Variants in USP3 observed in about 807,000 individuals in gnomAD.
USP3 encodes ubiquitin specific peptidase 3.
Under a neutral mutation model 72.3 loss-of-function variants are expected in USP3, and 20 were observed. The ratio of observed to expected loss-of-function variants is 0.28; its 90% CI spans 0.19 to 0.40. The LOEUF (loss-of-function observed/expected upper bound fraction) is 0.40, where lower values mean the gene tolerates loss of function less well. USP3 is among the 10% of genes least tolerant of loss of function. The pLI is 1.00. For missense variants in USP3, 479 were observed against 633.9 expected, an observed-to-expected ratio of 0.76 and a Z score of 2.62; for synonymous variants, 222 against 225.3, an observed-to-expected ratio of 0.99 and a Z score of 0.13.
At chr15:63,522,815 C>T (rs1411482941) in intron 1 of USP3, among the ~76,000 whole-genome samples, 1 of 152,194 alleles carries the variant, frequency 6.6e-6, no homozygotes, top group Non-Finnish European at 1.5e-5. Flanking sequence ...CATTGCTATA[C>T]TGATAATGTA....
Position 63,565,582 on chromosome 15 carries a change from A to G in USP3, c.761+2574A>G, listed in dbSNP as rs546560564. ...CTGTTTTCTGGAAGCAACCATAGTTACTAGAGTTTTGTGTATCCTTTCAGA... is the reference window on the plus strand; with the variant it reads ...CTGTTTTCTGGAAGCAACCATAGTTGCTAGAGTTTTGTGTATCCTTTCAGA... On this transcript the variant is annotated intron_variant, in intron 8 of 14. Coordinates refer to ENST00000380324, the MANE Select transcript of USP3 (RefSeq NM_006537.4). 2.0e-5 allele frequency among the ~76,000 whole-genome samples: 3 copies of G among 152,360 alleles called. No homozygotes were observed. The East Asian group carries it at 5.8e-4, about 29-fold the overall frequency.
rs148210375 is a variant in USP3, at chr15:63,594,461, A to G, written c.*3635A>G. On this transcript the variant is annotated 3_prime_UTR_variant, in exon 15 of 15. Transcript: ENST00000380324. ...CGTGATGGACTCTAGACTGCCTTCC[A>G]TGAGTGTTGGTCATGCTATGATGTC... 3.3e-5 allele frequency: 5 copies of G among 152,292 alleles called. No homozygotes were observed. The highest frequency in any genetic ancestry group is 4.8e-5 in the African/African-American group (2 of 41,540). The allele number at this position is 152,292 out of a possible 1,614,324, so 9.4% of individuals were successfully genotyped here.
At chr15:63,549,423 T>C (rs573169669) in intron 3 of USP3, among the ~76,000 whole-genome samples, 3 of 152,316 alleles carry the variant, frequency 2.0e-5, no homozygotes, top group East Asian at 1.9e-4. Context: ...TCCATGCAGG[T>C]TAATAAGTCC....
At chr15:63,587,476 C>T (rs1029221076) in intron 11 of USP3, among the ~76,000 whole-genome samples, 4 of 152,220 alleles carry the variant, frequency 2.6e-5, no homozygotes, top group Admixed American at 6.5e-5. Flanking sequence ...AGCAAAATGA[C>T]ATACAGCAGG....
intron 2 of USP3, among the ~76,000 whole-genome samples, chr15:63,533,426 C>T (rs760217936): frequency 2.0e-5 from 3 of 152,102 alleles, no homozygotes; most frequent in African/African-American, 4.8e-5. Context: ...TAAATAGTAA[C>T]TCTTCTAGCA....
Position 63,553,675 on chromosome 15 carries a change from T to C in USP3, c.285-40T>C. 6.3e-7 allele frequency: 1 copy of C among 1,584,060 alleles called. No homozygotes were observed. The highest frequency in any genetic ancestry group is 1.1e-5 in the South Asian group (1 of 87,564). The stretch of plus-strand genomic sequence containing the variant: ...TAGTGATTTCATTACTGTGGTTTCC[T>C]CAAGCTCTTTACACACATTGATTAA... On this transcript the variant is annotated intron_variant, in intron 3 of 14. Coordinates refer to ENST00000380324, the MANE Select transcript of USP3 (RefSeq NM_006537.4). This position sits in a 1 kb window ranked among gnomAD's most constrained non-coding sequence, Gnocchi z 4.2.
intron 3 of USP3, among the ~76,000 whole-genome samples, chr15:63,545,140 G>T (rs767013409): frequency 2.6e-4 from 39 of 152,156 alleles, no homozygotes; most frequent in Admixed American, 5.2e-4. Flanking sequence ...CATTTTTGTT[G>T]TTTATTAGTG....
chr15:63,521,166 G>C (rs1381052691), intron 1 of USP3, among the ~76,000 whole-genome samples: 1 of 121,348 alleles, frequency 8.2e-6, no homozygotes, highest in Non-Finnish European at 1.7e-5. Flanking sequence ...TCATTTAGCT[G>C]TATATCCTGG....
At chr15:63,537,893 C>G (rs750789562) in intron 3 of USP3, among the ~76,000 whole-genome samples, 10 of 152,088 alleles carry the variant, frequency 6.6e-5, no homozygotes, top group Non-Finnish European at 1.2e-4. Context: ...CCATGTTGGT[C>G]AGGTTGGTCT....
At chr15:63,539,310 G>T (rs1449820301) in intron 3 of USP3, among the ~76,000 whole-genome samples, 4 of 152,026 alleles carry the variant, frequency 2.6e-5, no homozygotes, top group Non-Finnish European at 5.9e-5. Context: ...ATTGATTTTT[G>T]ATTTTCAGTT....
intron 11 of USP3, among the ~76,000 whole-genome samples, chr15:63,577,053 TG>T (rs2066876056): frequency 6.6e-6 from 1 of 152,216 alleles, no homozygotes; most frequent in Admixed American, 6.5e-5. Flanking sequence ...GGAAAAGTGA[TG>T]GTGAGAAAGA....
At chr15:63,511,667 A>G (rs2065784369) in intron 1 of USP3, among the ~76,000 whole-genome samples, 1 of 152,168 alleles carries the variant, frequency 6.6e-6, no homozygotes, top group Non-Finnish European at 1.5e-5. Context: ...TATTTTTAAA[A>G]TGGGTTTCAG....
At chr15:63,555,047 T>C (rs2066488686) in intron 4 of USP3, among the ~76,000 whole-genome samples, 1 of 152,176 alleles carries the variant, frequency 6.6e-6, no homozygotes, top group East Asian at 1.9e-4. Context: ...TCTGAAATAA[T>C]CAGAACTAAG....
rs1424981519 is a variant in USP3, at chr15:63,593,073, T to C, written c.*2247T>C. 6.6e-6 allele frequency: 1 copy of C among 152,252 alleles called. No individual in the cohort carries two copies. The highest frequency in any genetic ancestry group is 2.4e-5 in the African/African-American group (1 of 41,472). The allele number at this position is 152,252 out of a possible 1,614,324, so 9.4% of individuals were successfully genotyped here. ...AGCACCCACATACGGCGTAGGACAA[T>C]GCTGGTCTAAATTTTCACTCCAAAG... is the stretch of plus-strand genomic sequence containing the variant. On this transcript the variant is annotated 3_prime_UTR_variant, in exon 15 of 15. Coordinates refer to ENST00000380324, the MANE Select transcript of USP3 (RefSeq NM_006537.4).
At chr15:63,558,889 T>A (rs4984301) in intron 6 of USP3, among the ~76,000 whole-genome samples, 117,436 of 151,958 alleles carry the variant, frequency 0.77, 46,899 homozygotes, top group Non-Finnish European at 0.84. Flanking sequence ...ATAAATAAAT[T>A]AATTAATTAA....
chr15:63,588,961 G>A lies in USP3; in HGVS notation c.1347G>A (p.Pro449=), dbSNP rs1287494033. ...CYLLEPENSG[P]ESCLYDLAAV... ...TTCTGTAGCCTGAGAACAGTGGCCC[G>A]GAGAGCTGCCTGTATGACCTCGCCG... is the stretch of plus-strand genomic sequence containing the variant. The change falls in exon 14 of 15, where the codon CCG becomes CCA. Residue 449 remains proline (P), a synonymous_variant. Transcript: ENST00000380324. The surrounding 1 kb of genome is among the most constrained non-coding windows in gnomAD (Gnocchi z 4.6). 63 of 1,614,096 alleles carry A rather than the reference G, an allele frequency of 3.9e-5. 2 individuals carry two copies. The highest frequency in any genetic ancestry group is 2.0e-4 in the African/African-American group (15 of 75,042).
intron 8 of USP3, among the ~76,000 whole-genome samples, chr15:63,564,336 T>C (rs2066654352): frequency 6.6e-6 from 1 of 152,158 alleles, no homozygotes. Context: ...TGTTTAAGTT[T>C]ATACATCTCG....
chr15:63,592,193 T>A lies in USP3; in HGVS notation c.*1367T>A, dbSNP rs950678092. ...GCCTCAGCCTCCCAAAGTGCTGAGA[T>A]TACAGGCGTGAGCCATCACGCCCAG... On this transcript the variant is annotated 3_prime_UTR_variant, in exon 15 of 15. Transcript: ENST00000380324. 6.6e-6 allele frequency: 1 copy of A among 152,094 alleles called. No individual in the cohort carries two copies. Among genetic ancestry groups the A allele is most frequent in the Non-Finnish European group, 1.5e-5 (1 of 68,034 alleles). The allele number at this position is 152,094 out of a possible 1,614,324, so 9.4% of individuals were successfully genotyped here.
At chr15:63,589,054 G>A (rs1249268467) in intron 14 of USP3, 43 bp downstream of exon 14, 2 of 1,607,032 alleles carry the variant, frequency 1.2e-6, no homozygotes, top group African/African-American at 2.7e-5. Flanking sequence ...AATACCTGGT[G>A]GCCAGCCCAA....
Sources: gnomAD v4.1 joint callset for allele counts (sites outside exome capture counted in the v4.1 genomes callset) on GRCh38, gnomAD v4.1.1 for gene constraint, Gnocchi (gnomAD v3.1) non-coding constraint, MANE v1.5 for transcripts, NCBI Gene and HGNC (gene_info 2026-07-23, HGNC 2026-07-21) for gene names.